Variants in CPQ observed in about 807,000 individuals in gnomAD.
CPQ encodes Ser-Met dipeptidase.
In CPQ, 37 loss-of-function variants were observed where a neutral mutation model predicts 45.7. That is an observed-to-expected ratio of 0.81 (90% confidence interval 0.62 to 1.07). The LOEUF (loss-of-function observed/expected upper bound fraction) is 1.07. Among genes scored for constraint, CPQ ranks in the 50% least tolerant of loss-of-function variants. The probability of loss-of-function intolerance (pLI) is 0.00; values close to 1 mark genes in which losing one functional copy is unlikely to be tolerated. For missense variants in CPQ, 537 were observed against 572.9 expected (o/e 0.94, Z 0.64); for synonymous variants, 186 against 205.8 (o/e 0.90, Z 0.82).
In CPQ at chr8:96,738,100, A is replaced by G. The variant is rs554966184; in HGVS notation, c.-34-46764A>G. Among the ~76,000 whole-genome samples the G allele has an allele frequency of 7.9e-5, 12 of 152,266 alleles. No individual in the cohort carries two copies. In the East Asian group the frequency reaches 2.1e-3, roughly 27 times the overall value. ...AGATATTGCAATGTATGAGATATAG[A>G]TTCTCTGAAATTTGTCAATATCTAT... is the stretch of plus-strand genomic sequence containing the variant. On this transcript the variant is annotated intron_variant, in intron 1 of 7. Transcript: ENST00000220763.
intron 2 of CPQ, among the ~76,000 whole-genome samples, chr8:96,799,010 ACT>A (rs1810970983): frequency 6.6e-6 from 1 of 152,056 alleles, no homozygotes; most frequent in African/African-American, 2.4e-5. Flanking sequence ...ATATTTGAAA[ACT>A]CATTCATACT....
At chr8:96,759,007 C>T (rs563031534) in intron 1 of CPQ, among the ~76,000 whole-genome samples, 1 of 152,108 alleles carries the variant, frequency 6.6e-6, no homozygotes, top group Non-Finnish European at 1.5e-5. Flanking sequence ...AAAGGTAAAC[C>T]CTGGAAAAGG....
rs1169000956 is a variant in CPQ, at chr8:96,692,986, G to T, written c.-35+47584G>T. ...TCCTATCAGATAAACTTAACAAAGA[G>T]ATTGAAATAATTAAAAAGAATCAAG... On this transcript the variant is annotated intron_variant, in intron 1 of 7. Coordinates refer to ENST00000220763, the MANE Select transcript of CPQ (RefSeq NM_016134.4). 2.0e-5 allele frequency among the ~76,000 whole-genome samples: 3 copies of T among 152,096 alleles called. No individual in the cohort carries two copies. In the East Asian group the frequency reaches 5.8e-4, roughly 30 times the overall value.
At chr8:97,030,402 C>G (rs996193405) in intron 6 of CPQ, among the ~76,000 whole-genome samples, 2 of 151,726 alleles carry the variant, frequency 1.3e-5, no homozygotes, top group East Asian at 1.9e-4. Context: ...TCTCTATTAC[C>G]CTATTTCAGT....
chr8:97,058,225 A>C (rs888387782), intron 6 of CPQ, among the ~76,000 whole-genome samples: 18 of 152,232 alleles, frequency 1.2e-4, no homozygotes, highest in African/African-American at 4.1e-4. Flanking sequence ...TGGGTTCTAG[A>C]GTATAGCGTA....
At chr8:96,843,228 A>G (rs1277645515) in intron 3 of CPQ, among the ~76,000 whole-genome samples, 6 of 152,158 alleles carry the variant, frequency 3.9e-5, no homozygotes, top group African/African-American at 1.2e-4. Flanking sequence ...TAAAAGCAGT[A>G]ATGTTATTAA....
chr8:97,134,623 C>G (rs1812017631), intron 7 of CPQ, among the ~76,000 whole-genome samples: 1 of 152,172 alleles, frequency 6.6e-6, no homozygotes, highest in Admixed American at 6.5e-5. Flanking sequence ...GAGATCAGAG[C>G]TGCAAATGAA....
chr8:96,783,650 A>G (rs1810720725), intron 1 of CPQ, among the ~76,000 whole-genome samples: 1 of 152,196 alleles, frequency 6.6e-6, no homozygotes. Context: ...TTTATAAAAA[A>G]GTGTCTAAAC....
intron 4 of CPQ, among the ~76,000 whole-genome samples, chr8:96,950,551 T>A (rs1813247351): frequency 6.6e-6 from 1 of 152,056 alleles, no homozygotes; most frequent in South Asian, 2.1e-4. Flanking sequence ...ATAGGAGGCT[T>A]TTTAATTTTC....
At chr8:96,997,938 C>A (rs879577408) in intron 5 of CPQ, among the ~76,000 whole-genome samples, 3 of 151,954 alleles carry the variant, frequency 2.0e-5, no homozygotes, top group Non-Finnish European at 4.4e-5. Flanking sequence ...TTAAAAAATT[C>A]AGCATTTTTC....
chr8:96,950,773 A>T (rs970725724), intron 4 of CPQ, among the ~76,000 whole-genome samples: 1 of 152,182 alleles, frequency 6.6e-6, no homozygotes, highest in Non-Finnish European at 1.5e-5. Flanking sequence ...ATACTAGGCA[A>T]TGCATTAGGA....
rs923229313 is a variant in CPQ at position 96,973,668 on chromosome 8, A to C, written c.961+7622A>C. 3.9e-5 allele frequency among the ~76,000 whole-genome samples: 6 copies of C among 152,132 alleles called. No homozygotes were observed. In the East Asian group the frequency reaches 9.6e-4, roughly 24 times the overall value. On this transcript the variant is annotated intron_variant, in intron 5 of 7. Coordinates refer to ENST00000220763, the MANE Select transcript of CPQ (RefSeq NM_016134.4). Reference sequence around the variant, plus strand: ...GAAAACCCCATCAGATTAACAGCAGATTTCTCAGCAGAAACCCTACCAGCT... The same window carrying C: ...GAAAACCCCATCAGATTAACAGCAGCTTTCTCAGCAGAAACCCTACCAGCT...
At chr8:96,693,468 A>G (rs541620305) in intron 1 of CPQ, among the ~76,000 whole-genome samples, 1 of 152,302 alleles carries the variant, frequency 6.6e-6, no homozygotes, top group East Asian at 1.9e-4. Flanking sequence ...AAAGCAAGAA[A>G]AAAGAAACAA....
intron 5 of CPQ, among the ~76,000 whole-genome samples, chr8:96,980,806 G>A (rs1452158878): frequency 2.6e-5 from 4 of 152,158 alleles, no homozygotes; most frequent in Non-Finnish European, 4.4e-5. Context: ...GAGTATACAT[G>A]AGGCTAGTGT....
chr8:96,855,367 G>A (rs970816464), intron 3 of CPQ, among the ~76,000 whole-genome samples: 14 of 152,106 alleles, frequency 9.2e-5, no homozygotes, highest in Admixed American at 1.3e-4. Flanking sequence ...GGGAACAGCA[G>A]TTCATGATCT....
chr8:97,061,563 C>T (rs531575188), intron 6 of CPQ, among the ~76,000 whole-genome samples: 3 of 152,040 alleles, frequency 2.0e-5, no homozygotes, highest in Non-Finnish European at 4.4e-5. Context: ...AGTTAGTCAA[C>T]CTGACTAAAC....
intron 2 of CPQ, among the ~76,000 whole-genome samples, chr8:96,816,830 A>C (rs976432581): frequency 6.6e-6 from 1 of 152,136 alleles, no homozygotes; most frequent in East Asian, 1.9e-4. Context: ...TGAGCAGTAC[A>C]TCTCAAGAGT....
chr8:97,042,429 A>C (rs1810145860), intron 6 of CPQ, among the ~76,000 whole-genome samples: 1 of 152,082 alleles, frequency 6.6e-6, no homozygotes, highest in Non-Finnish European at 1.5e-5. Flanking sequence ...ATCCTTTCAA[A>C]AAACCAGCTC....
chr8:97,067,933 A>G (rs1432557383), intron 7 of CPQ, among the ~76,000 whole-genome samples: 2 of 152,196 alleles, frequency 1.3e-5, no homozygotes, highest in African/African-American at 2.4e-5. Flanking sequence ...AAATATTTCA[A>G]CAAGAACTTC....
Sources: allele counts gnomAD v4.1 joint callset (sites outside exome capture counted in the v4.1 genomes callset), GRCh38; gene constraint gnomAD v4.1.1; transcripts MANE v1.5; gene names NCBI Gene and HGNC (gene_info 2026-07-23, HGNC 2026-07-21).